Variants in USP25 observed in about 807,000 individuals in gnomAD.
USP25 encodes the protein ubiquitin carboxyl-terminal hydrolase 25.
Under a neutral mutation model 158.5 loss-of-function variants are expected in USP25, and 85 were observed. That is an observed-to-expected ratio of 0.54 (90% CI 0.45 to 0.64). The LOEUF is 0.64. Ranked by LOEUF, USP25 falls within the 30% of genes least tolerant of loss-of-function variation. The pLI is 0.00. For missense variants in USP25, 1,242 were observed against 1,327.3 expected (o/e 0.94, Z 1.00); for synonymous variants, 464 against 460.4 (o/e 1.01, Z -0.10).
intron 3 of USP25, among the ~76,000 whole-genome samples, chr21:15,770,133 C>T (rs1020533601): frequency 6.6e-6 from 1 of 152,026 alleles, no homozygotes; most frequent in African/African-American, 2.4e-5. Flanking sequence ...TGCTTTTATT[C>T]TTAGGATAAT....
chr21:15,741,085 A>G (rs1431412446), intron 1 of USP25, among the ~76,000 whole-genome samples: 1 of 151,814 alleles, frequency 6.6e-6, no homozygotes, highest in Non-Finnish European at 1.5e-5. Flanking sequence ...ATTACTGTAG[A>G]TCAGTTTTGG....
intron 20 of USP25, among the ~76,000 whole-genome samples, chr21:15,862,863 G>C (rs540684110): frequency 1.3e-5 from 2 of 151,464 alleles, no homozygotes; most frequent in South Asian, 4.2e-4. Context: ...CCTTTTTAAT[G>C]AGTATGATAT....
chr21:15,827,999 A>G (rs564142869), intron 14 of USP25, among the ~76,000 whole-genome samples: 6 of 151,942 alleles, frequency 3.9e-5, no homozygotes, highest in African/African-American at 9.7e-5. Context: ...ATAATTCCCT[A>G]TTATCATTCC....
At chr21:15,778,368 G>A (rs978636955) in intron 4 of USP25, among the ~76,000 whole-genome samples, 8 of 151,816 alleles carry the variant, frequency 5.3e-5, no homozygotes, top group African/African-American at 9.7e-5. Context: ...TTCTGTAAAG[G>A]GCTAATAGTA....
intron 10 of USP25, among the ~76,000 whole-genome samples, chr21:15,823,125 G>A (rs1209624013): frequency 6.6e-6 from 1 of 151,974 alleles, no homozygotes; most frequent in Non-Finnish European, 1.5e-5. Context: ...TGTGACACTT[G>A]AAATTATCAC....
In USP25 at chr21:15,875,404, G is replaced by A. The variant is rs1202020581; in HGVS notation, c.3009+878G>A. On this transcript the variant is annotated intron_variant, in intron 24 of 25. Coordinates refer to ENST00000400183, the MANE Select transcript of USP25 (RefSeq NM_001283041.3). The surrounding 1 kb of genome is among the most constrained non-coding windows in gnomAD (Gnocchi z 4.7). Reference sequence around the variant, plus strand: ...TACATAGGAATTGAAATGAAACCTCGTCAAGATTACTTTAGTGTTCCTTTC... The same window carrying A: ...TACATAGGAATTGAAATGAAACCTCATCAAGATTACTTTAGTGTTCCTTTC... Among the ~76,000 whole-genome samples the A allele has an allele frequency of 2.0e-5, 3 of 152,026 alleles. No individual in the cohort carries two copies. The highest frequency in any genetic ancestry group is 6.6e-5 in the Admixed American group (1 of 15,264).
intron 3 of USP25, among the ~76,000 whole-genome samples, chr21:15,771,813 G>A (rs2034373596): frequency 6.6e-6 from 1 of 151,738 alleles, no homozygotes. Flanking sequence ...TTATTGCAAC[G>A]CTTCTCAAAC....
At chr21:15,772,345 ACT>A (rs901208493) in intron 3 of USP25, among the ~76,000 whole-genome samples, 60 of 152,186 alleles carry the variant, frequency 3.9e-4, no homozygotes, top group African/African-American at 1.4e-3. Context: ...TTTAATTTGG[ACT>A]CTCATAAAAA....
chr21:15,776,849 A>C (rs1160056145), intron 3 of USP25, among the ~76,000 whole-genome samples: 1 of 152,160 alleles, frequency 6.6e-6, no homozygotes, highest in Non-Finnish European at 1.5e-5. Context: ...CTAAAAAATA[A>C]AATTTAAAAT....
At chr21:15,759,412 G>C (rs1401455842) in intron 1 of USP25, among the ~76,000 whole-genome samples, 1 of 152,038 alleles carries the variant, frequency 6.6e-6, no homozygotes, top group Non-Finnish European at 1.5e-5. Flanking sequence ...TAAGGTGGTT[G>C]GGGTACAGCT....
intron 5 of USP25, among the ~76,000 whole-genome samples, chr21:15,794,322 G>T (rs1414489732): frequency 6.6e-6 from 1 of 151,662 alleles, no homozygotes; most frequent in Admixed American, 6.6e-5. Flanking sequence ...AGAGAAGATT[G>T]TACAGATAAT....
rs1220332953 is a variant in USP25, at chr21:15,849,850, G to C, written c.2525G>C (p.Gly842Ala). 1.3e-6 allele frequency: 2 copies of C among 1,527,668 alleles called. No individual in the cohort carries two copies. The highest frequency in any genetic ancestry group is 4.2e-5 in the Admixed American group (2 of 47,938). The allele number at this position is 1,527,668 out of a possible 1,614,324, so 94.6% of individuals were successfully genotyped here. A position where few individuals can be genotyped will look rare whatever the true frequency, so the allele number is the denominator to read the frequency against. Residue 842 changes from glycine to alanine, a missense_variant, in exon 20 of 26, where the codon GGC becomes GCC. By Grantham distance (60) the Gly-to-Ala change is moderately conservative. Coordinates refer to ENST00000400183, the MANE Select transcript of USP25 (RefSeq NM_001283041.3). ...GKSRSVYDRCGPEAGFFKAIK... is the reference protein window; with the variant it reads ...GKSRSVYDRCAPEAGFFKAIK... ...TCCAGGAGTGTATATGACAGGTGTG[G>C]CCCTGAAGCAGGGTTCTTTAAGGTA... is the stretch of plus-strand genomic sequence containing the variant.
At chr21:15,745,443 C>G (rs1001455135) in intron 1 of USP25, among the ~76,000 whole-genome samples, 4 of 142,262 alleles carry the variant, frequency 2.8e-5, no homozygotes, top group Non-Finnish European at 6.2e-5. Context: ...ATGGTTAGTA[C>G]TTTAACCATT....
chr21:15,734,779 C>G (rs1177528505), intron 1 of USP25, among the ~76,000 whole-genome samples: 1 of 151,786 alleles, frequency 6.6e-6, no homozygotes, highest in African/African-American at 2.4e-5. Context: ...ATAAATGTTT[C>G]AAAACTAGAT....
chr21:15,775,739 A>AAACCCCC (rs2034605259), intron 3 of USP25, among the ~76,000 whole-genome samples: 1 of 14,052 alleles, frequency 7.1e-5, no homozygotes, highest in African/African-American at 3.1e-4. Context: ...AATGGTTGCC[A>AAACCCCC]CCCCCCCCCC....
At chr21:15,778,512 G>A (rs183009166) in intron 4 of USP25, among the ~76,000 whole-genome samples, 447 of 152,146 alleles carry the variant, frequency 2.9e-3, no homozygotes, top group African/African-American at 0.01. Flanking sequence ...GATTTACAAA[G>A]GCAGCCAGTT....
chr21:15,779,009 A>G (rs2034811531), intron 4 of USP25, among the ~76,000 whole-genome samples: 1 of 152,162 alleles, frequency 6.6e-6, no homozygotes, highest in Admixed American at 6.5e-5. Context: ...ATCAGAGATT[A>G]CTATATGGTA....
intron 8 of USP25, among the ~76,000 whole-genome samples, chr21:15,810,769 T>G (rs995175596): frequency 6.6e-6 from 1 of 152,148 alleles, no homozygotes; most frequent in Non-Finnish European, 1.5e-5. Flanking sequence ...TTTTCTTCCT[T>G]CCCATGTCCA....
At chr21:15,851,482 A>T (rs1568889719) in intron 20 of USP25, among the ~76,000 whole-genome samples, 1 of 150,182 alleles carries the variant, frequency 6.7e-6, no homozygotes, top group Non-Finnish European at 1.5e-5. Context: ...ATACACTGAG[A>T]GACACAGCTC....
Sources: gnomAD v4.1 joint callset for allele counts (sites outside exome capture counted in the v4.1 genomes callset) on GRCh38, gnomAD v4.1.1 for gene constraint, Gnocchi (gnomAD v3.1) non-coding constraint, MANE v1.5 for transcripts, NCBI Gene and HGNC (gene_info 2026-07-23, HGNC 2026-07-21) for gene names.